Variants in CTPS2 observed in about 807,000 individuals in gnomAD.
CTPS2 encodes CTP synthase 2.
CTPS2 carries 19 observed loss-of-function variants against 46.8 expected under a neutral mutation model. The observed-to-expected ratio is 0.41, with a 90% CI of 0.28 to 0.60. The LOEUF (loss-of-function observed/expected upper bound fraction) is 0.60. CTPS2 is among the 20% of genes least tolerant of loss of function. The pLI is 0.35. For synonymous variants in CTPS2, 151 were observed against 165.2 expected (o/e 0.91, Z 0.66); for missense variants, 286 against 447.6 (o/e 0.64, Z 3.26).
At chrX:16,593,403 T>C (rs1929038506) in intron 17 of CTPS2, among the ~76,000 whole-genome samples, 2 of 86,671 alleles carry the variant, frequency 2.3e-5, no homozygotes, top group Admixed American at 3.1e-4. Flanking sequence ...CACTCCAGCC[T>C]GGGCGACAGA....
intron 17 of CTPS2, among the ~76,000 whole-genome samples, chrX:16,604,384 T>G (rs1185313847): frequency 8.9e-6 from 1 of 112,695 alleles, no homozygotes; most frequent in Non-Finnish European, 1.9e-5. Context: ...TTTACTCTGA[T>G]CTGACAAATA....
chrX:16,636,926 T>TA (rs1429113221), intron 14 of CTPS2, among the ~76,000 whole-genome samples: 2 of 109,897 alleles, frequency 1.8e-5, no homozygotes, highest in Non-Finnish European at 3.8e-5. Flanking sequence ...CAAAAAAAAA[T>TA]AAAAAATAAA....
intron 3 of CTPS2, 146 bp downstream of exon 3, chrX:16,698,777 C>G: frequency 2.1e-6 from 1 of 481,887 alleles, no homozygotes; most frequent in Non-Finnish European, 3.4e-6. Flanking sequence ...TCTCGAACTC[C>G]TGACCTCAGG....
At chrX:16,693,833 C>A (rs755756740) in intron 4 of CTPS2, among the ~76,000 whole-genome samples, 1 of 110,743 alleles carries the variant, frequency 9.0e-6, no homozygotes, top group South Asian at 3.8e-4. Context: ...AAAAAGATTT[C>A]TCCACGTGTA....
chrX:16,654,387 C>T, intron 13 of CTPS2: 1 of 1,088,210 alleles, frequency 9.2e-7, no homozygotes, highest in Non-Finnish European at 1.2e-6. Flanking sequence ...TTCTCCCATC[C>T]TTTTTTATGT....
At chrX:16,711,857 G>C (rs977986851) in intron 1 of CTPS2, 8 of 111,083 alleles carry the variant, frequency 7.2e-5, no homozygotes, top group African/African-American at 9.8e-5. Flanking sequence ...CGCGGGGGTC[G>C]TTGTTTAAGG....
In CTPS2 at chrX:16,591,956, T is replaced by C. The variant is rs1928926096; in HGVS notation, c.1692-1094A>G. Among the ~76,000 whole-genome samples the C allele has an allele frequency of 2.7e-5, 3 of 112,334 alleles. No homozygotes were observed. In the South Asian group the frequency reaches 1.1e-3, roughly 42 times the overall value. ...TCTATTATAACTCTCCATGACTCTC[T>C]ACTCTTCATCAGGTCTGTTTTAGAA... On this transcript the variant is annotated intron_variant, in intron 17 of 18. Transcript: ENST00000359276.
intron 13 of CTPS2, among the ~76,000 whole-genome samples, chrX:16,645,288 C>T (rs766472803): frequency 1.8e-5 from 2 of 111,007 alleles, no homozygotes; most frequent in East Asian, 2.8e-4. Context: ...CCACTGTACC[C>T]GGCCTGGAAT....
At chrX:16,679,899 G>T (rs1254929955) in intron 9 of CTPS2, among the ~76,000 whole-genome samples, 1 of 111,461 alleles carries the variant, frequency 9.0e-6, no homozygotes, top group Non-Finnish European at 1.9e-5. Context: ...AAGCCACCTG[G>T]TCTATGGTAC....
In CTPS2 at chrX:16,656,502, C is replaced by T. The variant is rs187063482; in HGVS notation, c.1296+11012G>A. Among the ~76,000 whole-genome samples, 115 of 110,141 alleles carry T rather than the reference C, an allele frequency of 1.0e-3. 2 individuals are homozygous for T. The highest frequency in any genetic ancestry group is 5.1e-4 in the Non-Finnish European group (27 of 52,626). On this transcript the variant is annotated intron_variant, in intron 13 of 18. Coordinates refer to ENST00000359276, the MANE Select transcript of CTPS2 (RefSeq NM_175859.3). ...TCGGCTCACTGCAAGCTCTGCCTTC[C>T]GGGTTCACGGCATTCTCCTGCCTCA...
At chrX:16,647,440 G>T (rs2072256412) in intron 13 of CTPS2, among the ~76,000 whole-genome samples, 1 of 107,566 alleles carries the variant, frequency 9.3e-6, no homozygotes, top group South Asian at 4.1e-4. Context: ...GCTAATTTTT[G>T]TATTTTTAGT....
intron 1 of CTPS2, 81 bp from the exon 2 acceptor site, chrX:16,703,022 AT>A (rs759725248): frequency 0.18 from 70,582 of 385,989 alleles, 73 homozygotes; most frequent in East Asian, 0.24. Flanking sequence ...ACCAGAATTA[AT>A]TTTTTTTTTT....
chrX:16,639,115 A>G, intron 14 of CTPS2, 32 bp downstream of exon 14: 1 of 1,112,625 alleles, frequency 9.0e-7, no homozygotes, highest in Non-Finnish European at 1.2e-6. Flanking sequence ...CACATCCAAC[A>G]TCTTGTAAAA....
rs1012777466 is a variant in CTPS2 at position 16,652,091 on chromosome X, T to C, written c.1297-12848A>G. Among the ~76,000 whole-genome samples the C allele has an allele frequency of 2.7e-5, 3 of 111,388 alleles. No homozygotes were observed. The Admixed American group carries it at 2.9e-4, about 11-fold the overall frequency. On this transcript the variant is annotated intron_variant, in intron 13 of 18. Transcript: ENST00000359276. ...GGAGCTTCTGGCTAAATTGCCTTGA[T>C]AGGATTCTAGCTGAAGGCAGGCCAG...
At chrX:16,659,900 C>G (rs1020977683) in intron 13 of CTPS2, among the ~76,000 whole-genome samples, 1 of 111,322 alleles carries the variant, frequency 9.0e-6, no homozygotes, top group African/African-American at 3.3e-5. Context: ...GCCCTTTGAC[C>G]AACATCTCCC....
Position 16,702,887 on chromosome X carries a change from C to G in CTPS2, c.16G>C (p.Val6Leu). ...ATGCCTGAGATGACCCCACCCGTGA[C>G]CAGGATGTACTTCATTGGCAGAATA... MKYIL[V>L]TGGVISGIGK... is the part of the protein sequence containing the mutation. Residue 6 changes from valine (V) to leucine (L), a missense_variant, in exon 2 of 19, where the codon GTC becomes CTC. Val to Leu is a conservative substitution (Grantham distance 32). Coordinates refer to ENST00000359276, the MANE Select transcript of CTPS2 (RefSeq NM_175859.3). The G allele has an allele frequency of 8.3e-7, 1 of 1,207,950 alleles. No homozygotes were observed. The highest frequency in any genetic ancestry group is 1.1e-6 in the Non-Finnish European group (1 of 893,163).
chrX:16,636,866 G>A (rs2031294642), intron 14 of CTPS2, among the ~76,000 whole-genome samples: 3 of 110,425 alleles, frequency 2.7e-5, no homozygotes, highest in African/African-American at 9.9e-5. Context: ...GCAGTGAGCC[G>A]AGATTTCGCC....
chrX:16,699,838 T>G (rs376447680), intron 2 of CTPS2, among the ~76,000 whole-genome samples: 1 of 112,633 alleles, frequency 8.9e-6, no homozygotes, highest in African/African-American at 3.2e-5. Context: ...ATATCCTAAT[T>G]TATTTATCCA....
intron 13 of CTPS2, among the ~76,000 whole-genome samples, chrX:16,665,395 A>G (rs144546871): frequency 8.9e-6 from 1 of 112,953 alleles, no homozygotes; most frequent in East Asian, 2.8e-4. Context: ...CAATGGATAA[A>G]TAAAATGTTT....
Sources: allele counts gnomAD v4.1 joint callset (sites outside exome capture counted in the v4.1 genomes callset), GRCh38; gene constraint gnomAD v4.1.1; transcripts MANE v1.5; gene names NCBI Gene and HGNC (gene_info 2026-07-23, HGNC 2026-07-21).